NEGR1: variants seen among roughly 807,000 people sequenced by gnomAD.
NEGR1 encodes neuronal growth regulator 1.
Under a neutral mutation model 40.9 loss-of-function variants are expected in NEGR1, and 10 were observed. That is an observed-to-expected ratio of 0.24 (90% CI 0.15 to 0.42). The LOEUF (loss-of-function observed/expected upper bound fraction) is 0.42, where lower values mean the gene tolerates loss of function less well. Among genes scored for constraint, NEGR1 ranks in the 10% least tolerant of loss-of-function variants. NEGR1 has a pLI of 1.00. For missense variants in NEGR1, 352 were observed against 438.9 expected (o/e 0.80, Z 1.77); for synonymous variants, 185 against 166.8 (o/e 1.11, Z -0.84).
intron 1 of NEGR1, among the ~76,000 whole-genome samples, chr1:72,222,982 C>A (rs1261956037): frequency 6.6e-6 from 1 of 152,098 alleles, no homozygotes; most frequent in Non-Finnish European, 1.5e-5. Flanking sequence ...AACTGTCTAC[C>A]TGGGAGCCAC....
intron 3 of NEGR1, chr1:71,703,312 G>A (rs1294323952): frequency 6.6e-6 from 1 of 151,854 alleles, no homozygotes; most frequent in Non-Finnish European, 1.5e-5. Context: ...ATAATTTGCA[G>A]GTGATACAGG....
At chr1:72,198,233 G>A (rs1262192692) in intron 1 of NEGR1, among the ~76,000 whole-genome samples, 1 of 151,966 alleles carries the variant, frequency 6.6e-6, no homozygotes, top group Non-Finnish European at 1.5e-5. Context: ...AAAGACTGGA[G>A]GTAGTGGAAA....
chr1:71,477,034 G>T (rs1381458632), intron 6 of NEGR1: 1 of 152,056 alleles, frequency 6.6e-6, no homozygotes, highest in Admixed American at 6.6e-5. Flanking sequence ...GTCTACAAAG[G>T]AAAAGTATTG....
intron 4 of NEGR1, among the ~76,000 whole-genome samples, chr1:71,672,150 CTT>C (rs1652458333): frequency 6.6e-6 from 1 of 152,176 alleles, no homozygotes; most frequent in East Asian, 1.9e-4. Context: ...AGATTGAAGG[CTT>C]ACCAGTTCAT....
intron 2 of NEGR1, among the ~76,000 whole-genome samples, chr1:71,869,558 G>A (rs1660217210): frequency 6.6e-6 from 1 of 152,066 alleles, no homozygotes. Flanking sequence ...TGCTAGATAA[G>A]GTTAACAGTG....
At position 71,590,017 on chromosome 1, in the gene NEGR1, T is replaced by G. The variant is rs1649445416; in HGVS notation, c.940+2800A>C. On this transcript the variant is annotated intron_variant, in intron 6 of 6. Coordinates refer to ENST00000357731, the MANE Select transcript of NEGR1 (RefSeq NM_173808.3). ...TCTTCAAATGTATTGAATTGTTTCA[T>G]ACTGCCATGTCTTTACATGAGCGGT... Among the ~76,000 whole-genome samples, 3 of 152,142 alleles carry G rather than the reference T, an allele frequency of 2.0e-5. No homozygotes were observed. The South Asian group carries it at 6.2e-4, about 31-fold the overall frequency.
intron 2 of NEGR1, among the ~76,000 whole-genome samples, chr1:71,894,501 A>G (rs1266656117): frequency 6.6e-6 from 1 of 152,174 alleles, no homozygotes; most frequent in African/African-American, 2.4e-5. Context: ...TCCTCTTAAA[A>G]CAACACTGAG....
chr1:71,546,903 CCTATTGGTTGCCACCTCTATATAT>C (rs1290697926), intron 6 of NEGR1, among the ~76,000 whole-genome samples: 1 of 151,614 alleles, frequency 6.6e-6, no homozygotes, highest in African/African-American at 2.4e-5. Context: ...AAAGAGGTGC[CCTATTGGTTGCCACCTCTATATAT>C]CTTTTCTAGC....
At chr1:72,046,391 A>G (rs1196402074) in intron 1 of NEGR1, among the ~76,000 whole-genome samples, 2 of 151,768 alleles carry the variant, frequency 1.3e-5, no homozygotes, top group East Asian at 3.9e-4. Context: ...GGAAAAGTAT[A>G]CAAAGAAAAA....
At chr1:71,895,354 G>T (rs2101855747) in intron 2 of NEGR1, among the ~76,000 whole-genome samples, 1 of 152,060 alleles carries the variant, frequency 6.6e-6, no homozygotes, top group Non-Finnish European at 1.5e-5. Context: ...TTACCATTTT[G>T]TGTGCACAAT....
In NEGR1 at chr1:71,633,156, C is replaced by A. The variant is rs190136168; in HGVS notation, c.668-22010G>T. Among the ~76,000 whole-genome samples, 28 of 152,118 alleles carry A rather than the reference C, an allele frequency of 1.8e-4. No individual in the cohort carries two copies. The East Asian group carries it at 3.9e-3, about 21-fold the overall frequency. On this transcript the variant is annotated intron_variant, in intron 4 of 6. Coordinates refer to ENST00000357731, the MANE Select transcript of NEGR1 (RefSeq NM_173808.3). The stretch of plus-strand genomic sequence containing the variant: ...AACACTCTCAGTTTTTAGTCCATTT[C>A]TTTGTCATCCATGAATTTCAACTAA...
chr1:71,620,268 C>G (rs1034270869), intron 4 of NEGR1, among the ~76,000 whole-genome samples: 1 of 151,848 alleles, frequency 6.6e-6, no homozygotes, highest in Non-Finnish European at 1.5e-5. Context: ...AAAAATCGGT[C>G]CTACAGAATC....
At position 71,951,523 on chromosome 1, in the gene NEGR1, C is replaced by G. The variant is rs371165207; in HGVS notation, c.177-16212G>C. On this transcript the variant is annotated intron_variant, in intron 1 of 6. Transcript: ENST00000357731. ...TTCTGAGATAGCGTCTGAGTCAACT[C>G]CCCTTTCAATTCCTCCAACAATTTC... Among the ~76,000 whole-genome samples, 4 of 152,052 alleles carry G rather than the reference C, an allele frequency of 2.6e-5. No homozygotes were observed. The East Asian group carries it at 7.7e-4, about 29-fold the overall frequency.
chr1:72,276,262 A>G (rs2100565666), intron 1 of NEGR1, among the ~76,000 whole-genome samples: 1 of 152,264 alleles, frequency 6.6e-6, no homozygotes, highest in East Asian at 1.9e-4. Flanking sequence ...TCAATTAGGG[A>G]TATTGTTATG....
intron 2 of NEGR1, among the ~76,000 whole-genome samples, chr1:71,903,744 CAT>C (rs1220754829): frequency 4.6e-5 from 7 of 151,730 alleles, no homozygotes; most frequent in Non-Finnish European, 8.8e-5. Flanking sequence ...CACACACACA[CAT>C]CCCTAATACA....
chr1:71,859,378 A>G (rs1249268938), intron 2 of NEGR1, among the ~76,000 whole-genome samples: 2 of 151,864 alleles, frequency 1.3e-5, no homozygotes, highest in African/African-American at 4.8e-5. Context: ...TTTTGAATCA[A>G]TTGTCCTCTG....
chr1:71,628,527 C>G (rs970430808), intron 4 of NEGR1, among the ~76,000 whole-genome samples: 2 of 151,944 alleles, frequency 1.3e-5, no homozygotes, highest in African/African-American at 4.8e-5. Context: ...AACCCATCAT[C>G]TACATTAGGT....
chr1:72,162,185 C>A (rs1651589753), intron 1 of NEGR1, among the ~76,000 whole-genome samples: 1 of 152,004 alleles, frequency 6.6e-6, no homozygotes, highest in Admixed American at 6.6e-5. Context: ...GGTGCAGTGG[C>A]TCACGCCTTT....
chr1:71,641,040 G>A (rs1172913983), intron 4 of NEGR1, among the ~76,000 whole-genome samples: 1 of 152,034 alleles, frequency 6.6e-6, no homozygotes, highest in African/African-American at 2.4e-5. Context: ...TGTTGATTTT[G>A]CAGAAACCAC....
Sources: gnomAD v4.1 joint callset for allele counts (sites outside exome capture counted in the v4.1 genomes callset) on GRCh38, gnomAD v4.1.1 for gene constraint, MANE v1.5 for transcripts, NCBI Gene and HGNC (gene_info 2026-07-23, HGNC 2026-07-21) for gene names.